The following PCDH11Y variants were observed in gnomAD, a reference collection of about 807,000 sequenced individuals.
PCDH11Y encodes protocadherin 11 Y-linked.
For synonymous variants in PCDH11Y, 9 were observed against 83.6 expected (o/e 0.11, Z 4.87); for missense variants, 12 against 224.8 (o/e 0.05, Z 6.05).
At chrY:5,133,504 C>T in intron 2 of PCDH11Y, among the ~76,000 whole-genome samples, 1 of 31,534 alleles carries the variant, frequency 3.2e-5, no homozygotes, top group African/African-American at 1.2e-4. Flanking sequence ...ATGCTCACCT[C>T]AAGCATACTT....
At chrY:5,268,778 G>A in intron 2 of PCDH11Y, among the ~76,000 whole-genome samples, 1 of 29,055 alleles carries the variant, frequency 3.4e-5, no homozygotes, top group South Asian at 8.0e-4. Context: ...TGATGACTAT[G>A]TTGTCTACTA....
At chrY:5,606,038 A>G (rs2053478452) in intron 4 of PCDH11Y, among the ~76,000 whole-genome samples, 2 of 33,049 alleles carry the variant, frequency 6.1e-5, no homozygotes, top group East Asian at 1.6e-3. Context: ...CCTGCTGTGC[A>G]TTTCTTAAAT....
At chrY:5,186,971 G>C in intron 2 of PCDH11Y, among the ~76,000 whole-genome samples, 1 of 34,091 alleles carries the variant, frequency 2.9e-5, no homozygotes, top group South Asian at 6.4e-4. Context: ...CATTCCAAAT[G>C]GGAGAAGTTG....
chrY:5,202,638 C>G (rs2052927965), intron 2 of PCDH11Y, among the ~76,000 whole-genome samples: 1 of 33,115 alleles, frequency 3.0e-5, no homozygotes, highest in Non-Finnish European at 7.4e-5. Context: ...GAAGTTTCAT[C>G]ACTCTGTTCC....
At chrY:5,014,393 A>T in intron 1 of PCDH11Y, among the ~76,000 whole-genome samples, 1 of 33,112 alleles carries the variant, frequency 3.0e-5, no homozygotes, top group East Asian at 7.7e-4. Flanking sequence ...ACAGAGTTTC[A>T]GTGAGCACTT....
rs2124652627 is a variant in PCDH11Y at position 5,221,654 on chromosome Y, C to A, written c.3129+120947C>A. Among the ~76,000 whole-genome samples, 5 of 30,461 alleles carry A rather than the reference C, an allele frequency of 1.6e-4. No homozygotes were observed. In the South Asian group the frequency reaches 3.8e-3, roughly 23 times the overall value. The allele number at this position is 30,461 out of a possible 37,273, so 81.7% of individuals were successfully genotyped here. ...ATTTTTATGTTGATTTTGTGTCTTG[C>A]AGCTTTATTGAATTCCTTTATTATT... is the stretch of plus-strand genomic sequence containing the variant. On this transcript the variant is annotated intron_variant, in intron 2 of 4. Coordinates refer to the PCDH11Y transcript ENST00000400457.
chrY:5,190,646 A>G (rs2052911320), intron 2 of PCDH11Y, among the ~76,000 whole-genome samples: 1 of 32,830 alleles, frequency 3.0e-5, no homozygotes, highest in African/African-American at 1.2e-4. Flanking sequence ...TCAGTCTTAA[A>G]TCCCTCTCCT....
At chrY:5,154,626 GGTGTGT>G in intron 2 of PCDH11Y, among the ~76,000 whole-genome samples, 1 of 27,843 alleles carries the variant, frequency 3.6e-5, no homozygotes, top group Non-Finnish European at 8.5e-5. Flanking sequence ...AAGCTTTAGT[GGTGTGT>G]GTGTGTGTGT....
chrY:5,345,074 CT>C, intron 2 of PCDH11Y, among the ~76,000 whole-genome samples: 1 of 34,689 alleles, frequency 2.9e-5, no homozygotes, highest in Admixed American at 2.6e-4. Flanking sequence ...AATTCAAATG[CT>C]AATTGTCAAA....
chrY:5,237,846 C>T, intron 2 of PCDH11Y, among the ~76,000 whole-genome samples: 1 of 32,252 alleles, frequency 3.1e-5, no homozygotes, highest in South Asian at 7.1e-4. Flanking sequence ...AATAAAATAC[C>T]TAGGAATCCA....
chrY:5,030,521 A>C, intron 1 of PCDH11Y, among the ~76,000 whole-genome samples: 1 of 33,360 alleles, frequency 3.0e-5, no homozygotes, highest in African/African-American at 1.1e-4. Context: ...CTTATAAAAC[A>C]TATTCTTCTT....
chrY:5,232,987 C>G, intron 2 of PCDH11Y, among the ~76,000 whole-genome samples: 1 of 32,142 alleles, frequency 3.1e-5, no homozygotes, highest in Admixed American at 2.9e-4. Flanking sequence ...TATTTCAGCG[C>G]CTCACGATTG....
chrY:5,537,908 G>T, intron 3 of PCDH11Y, among the ~76,000 whole-genome samples: 1 of 33,092 alleles, frequency 3.0e-5, no homozygotes, highest in East Asian at 8.0e-4. Context: ...ATTTTCCAGA[G>T]ATTTTAGTTA....
intron 4 of PCDH11Y, among the ~76,000 whole-genome samples, chrY:5,692,395 G>A: frequency 3.1e-5 from 1 of 32,209 alleles, no homozygotes; most frequent in Non-Finnish European, 7.6e-5. Flanking sequence ...ACTTTGCCTT[G>A]GTTTTCTATT....
intron 4 of PCDH11Y, among the ~76,000 whole-genome samples, chrY:5,720,581 A>G (rs1373831531): frequency 0.016 from 505 of 32,133 alleles, no homozygotes; most frequent in Middle Eastern, 0.078. Context: ...TTAAACATAA[A>G]ATTACCATAT....
At chrY:5,439,688 T>G in intron 2 of PCDH11Y, among the ~76,000 whole-genome samples, 1 of 33,287 alleles carries the variant, frequency 3.0e-5, no homozygotes, top group Non-Finnish European at 7.5e-5. Flanking sequence ...AACTCACCAT[T>G]TTTTTCTCAT....
At chrY:5,511,117 C>G (rs2053364679) in intron 3 of PCDH11Y, among the ~76,000 whole-genome samples, 1 of 32,309 alleles carries the variant, frequency 3.1e-5, no homozygotes, top group East Asian at 8.3e-4. Flanking sequence ...TTTCTTCGTT[C>G]AGATAATCTT....
downstream of PCDH11Y, among the ~76,000 whole-genome samples, chrY:5,107,875 C>A (rs529126757): frequency 3.4e-5 from 1 of 29,378 alleles, no homozygotes; most frequent in African/African-American, 1.3e-4. Flanking sequence ...CTGGCTAACA[C>A]AGTGAAACCC....
chrY:5,045,960 C>T (rs2052636368), intron 3 of PCDH11Y, among the ~76,000 whole-genome samples: 16 of 33,260 alleles, frequency 4.8e-4, no homozygotes, highest in Non-Finnish European at 8.9e-4. Flanking sequence ...TTTTCAGCTC[C>T]GTCAGCTCCT....
Sources: gnomAD v4.1 joint callset for allele counts (sites outside exome capture counted in the v4.1 genomes callset) on GRCh38, gnomAD v4.1.1 for gene constraint, MANE v1.5 for transcripts, NCBI Gene and HGNC (gene_info 2026-07-23, HGNC 2026-07-21) for gene names.